ARHGEF3: variants seen among roughly 807,000 people sequenced by gnomAD.
ARHGEF3 encodes 59.8 kDA protein.
In ARHGEF3, 28 loss-of-function variants were observed where a neutral mutation model predicts 63.2. That is an observed-to-expected ratio of 0.44 (90% CI 0.33 to 0.61). ARHGEF3 has a LOEUF of 0.61. ARHGEF3 is among the 20% of genes least tolerant of loss of function. The probability of loss-of-function intolerance (pLI) is 0.03; values close to 1 mark genes in which losing one functional copy is unlikely to be tolerated. For synonymous variants in ARHGEF3, 266 were observed against 254.2 expected (o/e 1.05, Z -0.44); for missense variants, 533 against 659.3 (o/e 0.81, Z 2.10).
chr3:56,891,265 G>A (rs1051460326), intron 3 of ARHGEF3, among the ~76,000 whole-genome samples: 1 of 149,828 alleles, frequency 6.7e-6, no homozygotes, highest in Non-Finnish European at 1.5e-5. Context: ...CAATCCTCTC[G>A]CCTCCACCTC....
chr3:57,004,583 C>A (rs1560125189), intron 2 of ARHGEF3, among the ~76,000 whole-genome samples: 1 of 152,210 alleles, frequency 6.6e-6, no homozygotes, highest in Admixed American at 6.5e-5. Context: ...AGTAAACTGG[C>A]CCCAGCATGC....
At chr3:57,048,918 C>G (rs1410060297) in intron 1 of ARHGEF3, among the ~76,000 whole-genome samples, 1 of 152,094 alleles carries the variant, frequency 6.6e-6, no homozygotes, top group Non-Finnish European at 1.5e-5. Flanking sequence ...TGGCTGAGGA[C>G]GAGGATGTCA....
chr3:56,983,872 G>T (rs190258425), intron 2 of ARHGEF3, among the ~76,000 whole-genome samples: 91 of 147,664 alleles, frequency 6.2e-4, no homozygotes, highest in African/African-American at 2.3e-3. Context: ...GGGGGCGGAG[G>T]TTGCAGTGAG....
At chr3:56,995,620 CGAGA>C (rs66778716) in intron 2 of ARHGEF3, among the ~76,000 whole-genome samples, 6,907 of 112,664 alleles carry the variant, frequency 0.061, 195 homozygotes, top group Non-Finnish European at 0.068. Context: ...GTAAATTTTC[CGAGA>C]GAGAGAGAGA....
At chr3:56,928,387 T>C (rs1184769930) in intron 3 of ARHGEF3, among the ~76,000 whole-genome samples, 1 of 152,120 alleles carries the variant, frequency 6.6e-6, no homozygotes, top group African/African-American at 2.4e-5. Context: ...TACACACATC[T>C]GGGTCCGTTC....
rs114994083 is a variant in ARHGEF3 at position 56,849,765 on chromosome 3, T to C, written c.192+32527A>G. On this transcript the variant is annotated intron_variant, in intron 4 of 12. Coordinates refer to the ARHGEF3 transcript ENST00000338458. ...GTAGCACAAAGAGTGGAAAAGTGTC[T>C]CTGAAAACACATTTTCATCTAGGTT... is the stretch of plus-strand genomic sequence containing the variant. 7.7e-3 allele frequency among the ~76,000 whole-genome samples: 1,172 copies of C among 152,280 alleles called. 20 individuals carry two copies. The highest frequency in any genetic ancestry group is 0.027 in the African/African-American group (1,102 of 41,562).
intron 4 of ARHGEF3, among the ~76,000 whole-genome samples, chr3:56,858,955 C>A (rs2039975482): frequency 6.6e-6 from 1 of 151,938 alleles, no homozygotes; most frequent in African/African-American, 2.4e-5. Context: ...ACCCTATGGA[C>A]CTCTGCTTGC....
chr3:56,808,643 A>T (rs1176987640), intron 4 of ARHGEF3, among the ~76,000 whole-genome samples: 5 of 152,096 alleles, frequency 3.3e-5, no homozygotes, highest in East Asian at 1.9e-4. Context: ...AAATTAGCAA[A>T]TTTTTTTGTT....
intron 2 of ARHGEF3, among the ~76,000 whole-genome samples, chr3:56,967,988 TA>T (rs1700665761): frequency 1.5e-4 from 8 of 52,676 alleles, no homozygotes; most frequent in Non-Finnish European, 2.7e-4. Context: ...AGTTTATATA[TA>T]AAATATATAA....
At chr3:56,979,013 G>A (rs1701224984) in intron 2 of ARHGEF3, among the ~76,000 whole-genome samples, 3 of 152,126 alleles carry the variant, frequency 2.0e-5, no homozygotes, top group Admixed American at 6.6e-5. Flanking sequence ...AAAATTAGCC[G>A]GCCATAGTGG....
At chr3:57,037,641 G>T (rs921893175) in intron 1 of ARHGEF3, among the ~76,000 whole-genome samples, 1 of 152,190 alleles carries the variant, frequency 6.6e-6, no homozygotes, top group Non-Finnish European at 1.5e-5. Flanking sequence ...TTGGGAGGCC[G>T]AGGCAGGCGG....
chr3:56,908,147 C>G (rs76480100), intron 3 of ARHGEF3, among the ~76,000 whole-genome samples: 1 of 152,152 alleles, frequency 6.6e-6, no homozygotes, highest in Non-Finnish European at 1.5e-5. Flanking sequence ...AGGATCAACC[C>G]TGCAACAAAC....
At chr3:57,045,870 C>T (rs111908166) in intron 1 of ARHGEF3, among the ~76,000 whole-genome samples, 9 of 152,318 alleles carry the variant, frequency 5.9e-5, no homozygotes, top group African/African-American at 2.2e-4. Context: ...TGATCCTGCA[C>T]CAAACAGGGC....
chr3:57,014,072 G>C (rs1409960164), intron 2 of ARHGEF3, among the ~76,000 whole-genome samples: 3 of 152,122 alleles, frequency 2.0e-5, no homozygotes, highest in African/African-American at 4.8e-5. Context: ...CTTAAAGCCA[G>C]CGAGACCACG....
At chr3:56,958,798 AG>A in intron 3 of ARHGEF3, 1 of 1,543,480 alleles carries the variant, frequency 6.5e-7, no homozygotes, top group Non-Finnish European at 8.8e-7. Context: ...ATTTAACAGC[AG>A]GGGCTACCCA....
At chr3:56,982,060 T>A (rs1701347075) in intron 2 of ARHGEF3, among the ~76,000 whole-genome samples, 1 of 152,164 alleles carries the variant, frequency 6.6e-6, no homozygotes, top group Non-Finnish European at 1.5e-5. Flanking sequence ...ACTGAGCTGA[T>A]GAGATGCAAA....
chr3:56,978,929 G>A (rs1237066182), intron 2 of ARHGEF3, among the ~76,000 whole-genome samples: 1 of 152,194 alleles, frequency 6.6e-6, no homozygotes, highest in Non-Finnish European at 1.5e-5. Flanking sequence ...ACTAAGGCTG[G>A]AGGATCACCT....
chr3:56,745,694 C>T (rs906527029), intron 6 of ARHGEF3, among the ~76,000 whole-genome samples: 8 of 151,380 alleles, frequency 5.3e-5, no homozygotes, highest in African/African-American at 7.3e-5. Flanking sequence ...TTTTTTGAGA[C>T]GGAGTCTCGC....
chr3:56,968,083 T>C (rs1700685114), intron 2 of ARHGEF3, among the ~76,000 whole-genome samples: 1 of 57,648 alleles, frequency 1.7e-5, no homozygotes, highest in Non-Finnish European at 3.0e-5. Flanking sequence ...ATATTATATA[T>C]TTATTATACA....
Sources: gnomAD v4.1 joint callset for allele counts (sites outside exome capture counted in the v4.1 genomes callset) on GRCh38, gnomAD v4.1.1 for gene constraint, MANE v1.5 for transcripts, NCBI Gene and HGNC (gene_info 2026-07-23, HGNC 2026-07-21) for gene names.